IRAK3: variants seen among roughly 807,000 people sequenced by gnomAD.
The protein encoded by IRAK3 is interleukin-1 receptor-associated kinase 3.
A neutral mutation model predicts 56.6 loss-of-function variants in IRAK3; 57 were observed. That is an observed-to-expected ratio of 1.01 (90% confidence interval 0.81 to 1.26). IRAK3 has a LOEUF of 1.26. Among genes scored for constraint, IRAK3 ranks in the 50% most tolerant of loss-of-function variants. The pLI, the probability that IRAK3 is intolerant of heterozygous loss-of-function variation, is 0.00. For missense variants in IRAK3, 703 were observed against 719.0 expected, an observed-to-expected ratio of 0.98 and a Z score of 0.25; for synonymous variants, 258 against 255.7, an observed-to-expected ratio of 1.01 and a Z score of -0.09.
intron 5 of IRAK3, among the ~76,000 whole-genome samples, chr12:66,216,218 G>A (rs540584079): frequency 2.4e-4 from 36 of 152,296 alleles, no homozygotes; most frequent in Admixed American, 2.4e-3. Context: ...GACTGACAAA[G>A]AATCACAAAT....
chr12:66,209,452 T>C lies in IRAK3; in HGVS notation c.317-4T>C, dbSNP rs771691990. The C allele has an allele frequency of 6.3e-7, 1 of 1,596,532 alleles. No individual in the cohort carries two copies. The highest frequency in any genetic ancestry group is 8.6e-7 in the Non-Finnish European group (1 of 1,164,396). Reference sequence around the variant, plus strand: ...GTATCTACCTTCCCATATTTCTCTTTCAGGAGCAGTGTTGAGTCCTTCAGA... The same window carrying C: ...GTATCTACCTTCCCATATTTCTCTTCCAGGAGCAGTGTTGAGTCCTTCAGA... On this transcript the variant is annotated splice_region_variant and splice_polypyrimidine_tract_variant and intron_variant, in intron 2 of 11. Transcript: ENST00000261233.
At chr12:66,232,894 G>C (rs1263579041) in intron 8 of IRAK3, among the ~76,000 whole-genome samples, 1 of 152,112 alleles carries the variant, frequency 6.6e-6, no homozygotes, top group Non-Finnish European at 1.5e-5. Flanking sequence ...TTTATTGGAG[G>C]AGTGAACAAT....
Position 66,228,351 on chromosome 12 carries a change from A to G in IRAK3, c.868A>G (p.Ile290Val), listed in dbSNP as rs201535738. 3 of 1,612,972 alleles carry G rather than the reference A, an allele frequency of 1.9e-6. No individual in the cohort carries two copies. Among genetic ancestry groups the G allele is most frequent in the African/African-American group, 1.3e-5 (1 of 74,900 alleles). The change falls in exon 8 of 12, where the codon ATC becomes GTC. Residue 290 changes from isoleucine to valine, a missense_variant. Ile to Val is a conservative substitution (Grantham distance 29). Transcript: ENST00000261233. ...GCACAACGTTCAACCATGCTCGGTC[A>G]TCTGTGGCAGTATATCAAGGTAAAT... Reference protein sequence around the residue: ...YLHNVQPCSVICGSISSANIL... With the variant: ...YLHNVQPCSVVCGSISSANIL...
intron 5 of IRAK3, among the ~76,000 whole-genome samples, chr12:66,213,014 G>A (rs1051147761): frequency 4.0e-5 from 6 of 151,802 alleles, no homozygotes; most frequent in African/African-American, 1.5e-4. Flanking sequence ...AAACCTGCAT[G>A]TTCAGCACAT....
intron 7 of IRAK3, among the ~76,000 whole-genome samples, chr12:66,227,194 C>G (rs1308796087): frequency 6.6e-6 from 1 of 152,176 alleles, no homozygotes; most frequent in African/African-American, 2.4e-5. Context: ...ATTTGTATAA[C>G]TTTATTAAAG....
chr12:66,235,221 G>A, intron 8 of IRAK3: 1 of 1,610,976 alleles, frequency 6.2e-7, no homozygotes, highest in East Asian at 2.2e-5. Flanking sequence ...AGAGACTGCT[G>A]CTTGCGATAG....
rs545978292 is a variant in IRAK3 at position 66,193,950 on chromosome 12, C to T, written c.133+4518C>T. 2.1e-3 allele frequency among the ~76,000 whole-genome samples: 324 copies of T among 152,252 alleles called. 6 individuals carry two copies. Among genetic ancestry groups the T allele is most frequent in the Non-Finnish European group, 2.2e-3 (153 of 68,024 alleles). Reference sequence around the variant, plus strand: ...TGTGTTGCTGTTGTTGTTTTGGAGACGGGATCTCACTCTGTCATCCAGGGT... The same window carrying T: ...TGTGTTGCTGTTGTTGTTTTGGAGATGGGATCTCACTCTGTCATCCAGGGT... On this transcript the variant is annotated intron_variant, in intron 1 of 11. Transcript: ENST00000261233.
In IRAK3 at chr12:66,230,509, G is replaced by C. The variant is rs191167841; in HGVS notation, c.887+2139G>C. ...CTCTGAGCTTTGCACCCCTGCATCT[G>C]ACCAGCCCTCTTGTGGAGCAGTAAT... On this transcript the variant is annotated intron_variant, in intron 8 of 11. Coordinates refer to ENST00000261233, the MANE Select transcript of IRAK3 (RefSeq NM_007199.3). Among the ~76,000 whole-genome samples the C allele has an allele frequency of 5.6e-3, 857 of 152,276 alleles. 7 individuals are homozygous for C. The highest frequency in any genetic ancestry group is 9.2e-3 in the Non-Finnish European group (629 of 68,008).
At chr12:66,216,122 G>T (rs1239958875) in intron 5 of IRAK3, among the ~76,000 whole-genome samples, 3 of 152,060 alleles carry the variant, frequency 2.0e-5, no homozygotes, top group African/African-American at 4.8e-5. Flanking sequence ...AAGCAACAGG[G>T]TGTTAGAGTG....
At position 66,217,219 on chromosome 12, in the gene IRAK3, C is replaced by T; in HGVS notation, c.637C>T (p.Leu213Phe). ...GCATTGGAAGAGGTTTTTATCTGAG[C>T]TTGAAGTTTTACTACTGTGAGTATG... ...KKHWKRFLSELEVLLLFHHPN... is the reference protein window; with the variant it reads ...KKHWKRFLSEFEVLLLFHHPN... Residue 213 changes from leucine to phenylalanine, a missense_variant, in exon 6 of 12, where the codon CTT becomes TTT. Leu to Phe is a conservative substitution (Grantham distance 22). Transcript: ENST00000261233. The T allele has an allele frequency of 6.2e-7, 1 of 1,610,430 alleles. No individual in the cohort carries two copies. Among genetic ancestry groups the T allele is most frequent in the Non-Finnish European group, 8.5e-7 (1 of 1,176,756 alleles).
Position 66,209,438 on chromosome 12 carries a change from C to G in IRAK3, c.317-18C>G, listed in dbSNP as rs1358810409. The G allele has an allele frequency of 6.4e-7, 1 of 1,565,182 alleles. No homozygotes were observed. The highest frequency in any genetic ancestry group is 1.4e-5 in the African/African-American group (1 of 73,936). ...CATAAAATTTTTTTGTATCTACCTTCCCATATTTCTCTTTCAGGAGCAGTG... is the reference window on the plus strand; with the variant it reads ...CATAAAATTTTTTTGTATCTACCTTGCCATATTTCTCTTTCAGGAGCAGTG... On this transcript the variant is annotated intron_variant, in intron 2 of 11. Coordinates refer to ENST00000261233, the MANE Select transcript of IRAK3 (RefSeq NM_007199.3).
chr12:66,205,971 A>G (rs983079499), intron 2 of IRAK3, among the ~76,000 whole-genome samples: 7 of 152,080 alleles, frequency 4.6e-5, no homozygotes, highest in African/African-American at 1.7e-4. Context: ...TTGTTATTAT[A>G]TTTCTGGCAT....
chr12:66,216,334 G>T (rs1452920182), intron 5 of IRAK3, among the ~76,000 whole-genome samples: 1 of 152,074 alleles, frequency 6.6e-6, no homozygotes, highest in Non-Finnish European at 1.5e-5. Context: ...TGATTTTTTA[G>T]CCTGATTTAT....
chr12:66,196,058 T>A (rs950139977), intron 1 of IRAK3, among the ~76,000 whole-genome samples: 1 of 151,934 alleles, frequency 6.6e-6, no homozygotes, highest in Admixed American at 6.6e-5. Flanking sequence ...ACATACTTTA[T>A]GTATGTAAGT....
At chr12:66,225,363 T>C (rs1326711495) in intron 6 of IRAK3, among the ~76,000 whole-genome samples, 2 of 151,554 alleles carry the variant, frequency 1.3e-5, no homozygotes, top group Non-Finnish European at 3.0e-5. Flanking sequence ...AACTTCTCTA[T>C]GTGTATTGTG....
At chr12:66,202,699 G>A (rs376599578) in intron 1 of IRAK3, among the ~76,000 whole-genome samples, 2 of 151,990 alleles carry the variant, frequency 1.3e-5, no homozygotes, top group East Asian at 1.9e-4. Context: ...CAGCTACTTG[G>A]GAGGCTGAGG....
chr12:66,200,980 T>G (rs1732875), intron 1 of IRAK3, among the ~76,000 whole-genome samples: 20,557 of 151,912 alleles, frequency 0.14, 2,175 homozygotes, highest in East Asian at 0.43. Flanking sequence ...CTGGCTAATT[T>G]TTGTATTTTT....
Position 66,253,836 on chromosome 12 carries a change from C to G in IRAK3, c.*5665C>G, listed in dbSNP as rs1223468805. 6.6e-6 allele frequency: 1 copy of G among 151,992 alleles called. No homozygotes were observed. The highest frequency in any genetic ancestry group is 1.9e-4 in the East Asian group (1 of 5,194). The allele number at this position is 151,992 out of a possible 1,614,324, so 9.4% of individuals were successfully genotyped here. ...ATCTATTAGATTTAAAAAAATGAAG[C>G]ATAAAGGAGTTGGCTCTTGCCCTAA... On this transcript the variant is annotated 3_prime_UTR_variant, in exon 12 of 12. Coordinates refer to ENST00000261233, the MANE Select transcript of IRAK3 (RefSeq NM_007199.3).
At chr12:66,205,922 AC>A (rs2052553990) in intron 2 of IRAK3, among the ~76,000 whole-genome samples, 1 of 152,178 alleles carries the variant, frequency 6.6e-6, no homozygotes, top group Non-Finnish European at 1.5e-5. Context: ...AGATCTCAGG[AC>A]ATAACAAAAT....
Sources: allele counts gnomAD v4.1 joint callset (sites outside exome capture counted in the v4.1 genomes callset), GRCh38; gene constraint gnomAD v4.1.1; transcripts MANE v1.5; gene names NCBI Gene and HGNC (gene_info 2026-07-23, HGNC 2026-07-21).